Variants in DLG2 observed in about 807,000 individuals in gnomAD.
The protein encoded by DLG2 is discs large MAGUK scaffold protein 2.
A neutral mutation model predicts 132.5 loss-of-function variants in DLG2; 45 were observed. The observed-to-expected ratio is 0.34, with a 90% CI of 0.27 to 0.44. The LOEUF (loss-of-function observed/expected upper bound fraction) is 0.44. Ranked by LOEUF, DLG2 falls within the 20% of genes least tolerant of loss-of-function variation. The probability of loss-of-function intolerance (pLI) is 1.00; values close to 1 mark genes in which losing one functional copy is unlikely to be tolerated. For missense variants in DLG2, 1,045 were observed against 1,196.9 expected, an observed-to-expected ratio of 0.87 and a Z score of 1.87; for synonymous variants, 424 against 419.6, an observed-to-expected ratio of 1.01 and a Z score of -0.13.
At chr11:84,172,147 T>G (rs1325620676) in intron 8 of DLG2, among the ~76,000 whole-genome samples, 2 of 152,206 alleles carry the variant, frequency 1.3e-5, no homozygotes, top group Non-Finnish European at 2.9e-5. Flanking sequence ...AGCAAAAGAT[T>G]TTCTGCTTAA....
At chr11:84,765,482 A>G (rs1008987981) in intron 6 of DLG2, among the ~76,000 whole-genome samples, 4 of 152,094 alleles carry the variant, frequency 2.6e-5, no homozygotes, top group Non-Finnish European at 5.9e-5. Context: ...TGCCTTCTCA[A>G]AATCCTGGAT....
chr11:83,580,361 GAA>G lies in DLG2; in HGVS notation c.1941-38505_1941-38504del, dbSNP rs71066052. Among the ~76,000 whole-genome samples, 208 of 148,970 alleles carry G rather than the reference GAA, an allele frequency of 1.4e-3. 2 individuals carry two copies. The highest frequency in any genetic ancestry group is 4.6e-3 in the African/African-American group (189 of 40,808). The stretch of plus-strand genomic sequence containing the variant: ...AAACCATAGATGCCACAACTTTTAG[GAA>G]AAAAAAAAACATTTATTGAGCACTA... On this transcript the variant is annotated intron_variant, in intron 19 of 27. Transcript: ENST00000376104.
At chr11:85,423,430 C>A (rs1296162601) in intron 3 of DLG2, among the ~76,000 whole-genome samples, 2 of 152,120 alleles carry the variant, frequency 1.3e-5, no homozygotes, top group African/African-American at 2.4e-5. Flanking sequence ...TTGAGCTTTC[C>A]AGAGAGTATC....
At chr11:85,389,275 G>A (rs891739544) in intron 3 of DLG2, among the ~76,000 whole-genome samples, 1 of 152,052 alleles carries the variant, frequency 6.6e-6, no homozygotes, top group Non-Finnish European at 1.5e-5. Context: ...TCAAAGACAA[G>A]GCTTTCAAAT....
Position 84,754,197 on chromosome 11 carries a change from G to C in DLG2, c.358-219466C>G, listed in dbSNP as rs1183526302. Among the ~76,000 whole-genome samples the C allele has an allele frequency of 2.0e-5, 3 of 152,278 alleles. No homozygotes were observed. In the South Asian group the frequency reaches 6.2e-4, roughly 32 times the overall value. On this transcript the variant is annotated intron_variant, in intron 6 of 27. Coordinates refer to ENST00000376104, the MANE Select transcript of DLG2 (RefSeq NM_001142699.3). Reference sequence around the variant, plus strand: ...TCTATTTACCAGCAAACAGTATTTTGAATATTAAACAAGTGAGTGGATGTA... The same window carrying C: ...TCTATTTACCAGCAAACAGTATTTTCAATATTAAACAAGTGAGTGGATGTA...
chr11:84,907,938 A>G (rs940275656), intron 6 of DLG2, among the ~76,000 whole-genome samples: 11 of 152,154 alleles, frequency 7.2e-5, no homozygotes, highest in Non-Finnish European at 1.3e-4. Flanking sequence ...CTAGCATTCA[A>G]TGGTTGTGTC....
intron 16 of DLG2, among the ~76,000 whole-genome samples, chr11:83,852,214 C>T (rs1470035318): frequency 6.6e-6 from 1 of 152,154 alleles, no homozygotes; most frequent in Non-Finnish European, 1.5e-5. Flanking sequence ...ACCTAGGAAG[C>T]TAATACGTTC....
chr11:84,197,955 T>G (rs1198730241), intron 8 of DLG2, among the ~76,000 whole-genome samples: 1 of 152,172 alleles, frequency 6.6e-6, no homozygotes, highest in Non-Finnish European at 1.5e-5. Flanking sequence ...TTATTATCAT[T>G]TCATACTTCA....
intron 5 of DLG2, 100 bp from the exon 6 acceptor site, chr11:85,111,835 T>A: frequency 2.3e-6 from 2 of 871,104 alleles, no homozygotes; most frequent in Non-Finnish European, 3.4e-6. Context: ...ATTACCTTAT[T>A]TATAATCATA....
intron 7 of DLG2, among the ~76,000 whole-genome samples, chr11:84,339,960 C>G (rs1316113156): frequency 6.6e-6 from 1 of 152,146 alleles, no homozygotes; most frequent in Admixed American, 6.5e-5. Context: ...AAGAGCCACA[C>G]TGGTTACTTA....
At chr11:83,637,787 T>C (rs549229351) in intron 18 of DLG2, among the ~76,000 whole-genome samples, 3 of 152,148 alleles carry the variant, frequency 2.0e-5, no homozygotes, top group Non-Finnish European at 4.4e-5. Flanking sequence ...GTAAGCTACT[T>C]GGAGACTTGG....
chr11:84,614,411 A>C (rs1323783665), intron 6 of DLG2, among the ~76,000 whole-genome samples: 1 of 152,220 alleles, frequency 6.6e-6, no homozygotes, highest in East Asian at 1.9e-4. Flanking sequence ...TGGAAGGGGC[A>C]ATTAAAGTCA....
chr11:85,007,288 G>T (rs556301966), intron 6 of DLG2, among the ~76,000 whole-genome samples: 3 of 152,130 alleles, frequency 2.0e-5, no homozygotes, highest in African/African-American at 7.2e-5. Context: ...TATGTGAAAT[G>T]ACCTAGATAA....
rs1365720709 is a variant in DLG2 at position 83,517,746 on chromosome 11, A to C, written c.2193+14962T>G. ...GTTAGTTTTCCTTCTAACAGTCAGT[A>C]CCCTCAGCTGCAGGTCTGTTGGAGT... On this transcript the variant is annotated intron_variant, in intron 21 of 27. Transcript: ENST00000376104. 2.0e-5 allele frequency among the ~76,000 whole-genome samples: 3 copies of C among 152,122 alleles called. No individual in the cohort carries two copies. The East Asian group carries it at 5.8e-4, about 29-fold the overall frequency.
intron 11 of DLG2, among the ~76,000 whole-genome samples, chr11:84,044,954 TG>T (rs1307146266): frequency 3.3e-5 from 5 of 151,752 alleles, no homozygotes; most frequent in Non-Finnish European, 7.4e-5. Context: ...TTAAGTGTAT[TG>T]CATTAAGTTG....
At position 83,847,009 on chromosome 11, in the gene DLG2, T is replaced by C. The variant is rs148274839; in HGVS notation, c.1566-13239A>G. Among the ~76,000 whole-genome samples the C allele has an allele frequency of 2.9e-4, 44 of 151,954 alleles. 1 individual carries two copies. Among genetic ancestry groups the C allele is most frequent in the African/African-American group, 1.0e-3 (42 of 41,496 alleles). ...TTTCATAATGTTTTGGTTGCCAACT[T>C]ATTTTTTAAGTTATATATACTATCC... is the stretch of plus-strand genomic sequence containing the variant. On this transcript the variant is annotated intron_variant, in intron 16 of 27. Coordinates refer to ENST00000376104, the MANE Select transcript of DLG2 (RefSeq NM_001142699.3).
At position 84,983,243 on chromosome 11, in the gene DLG2, G is replaced by A. The variant is rs987738234; in HGVS notation, c.357+128418C>T. Reference sequence around the variant, plus strand: ...TGAAGGAAGCGGATTGCTCCTGAAGGACCCAGGAGACGCCCCAAATACTGT... The same window carrying A: ...TGAAGGAAGCGGATTGCTCCTGAAGAACCCAGGAGACGCCCCAAATACTGT... On this transcript the variant is annotated intron_variant, in intron 6 of 27. Coordinates refer to ENST00000376104, the MANE Select transcript of DLG2 (RefSeq NM_001142699.3). 2.0e-5 allele frequency among the ~76,000 whole-genome samples: 3 copies of A among 152,120 alleles called. 1 individual carries two copies. The highest frequency in any genetic ancestry group is 2.0e-4 in the Admixed American group (3 of 15,272).
intron 6 of DLG2, among the ~76,000 whole-genome samples, chr11:84,608,957 C>A (rs2099590493): frequency 6.6e-6 from 1 of 152,144 alleles, no homozygotes; most frequent in African/African-American, 2.4e-5. Flanking sequence ...TAGTAAGTGG[C>A]ACAGGGCCAT....
At chr11:84,598,763 A>C (rs942844747) in intron 6 of DLG2, among the ~76,000 whole-genome samples, 4 of 151,760 alleles carry the variant, frequency 2.6e-5, no homozygotes, top group African/African-American at 7.3e-5. Context: ...CCATCTATGA[A>C]AAAAGAAAAA....
Sources: gnomAD v4.1 joint callset for allele counts (sites outside exome capture counted in the v4.1 genomes callset) on GRCh38, gnomAD v4.1.1 for gene constraint, MANE v1.5 for transcripts, NCBI Gene and HGNC (gene_info 2026-07-23, HGNC 2026-07-21) for gene names.